Variants in ASAP2 observed in about 807,000 individuals in gnomAD.
ASAP2 encodes ArfGAP with SH3 domain, ankyrin repeat and PH domain 2, also known as arf-GAP with SH3 domain, ANK repeat and PH domain-containing protein 2.
Under a neutral mutation model 131.4 loss-of-function variants are expected in ASAP2, and 45 were observed. That is an observed-to-expected ratio of 0.34 (90% CI 0.27 to 0.44). The LOEUF (loss-of-function observed/expected upper bound fraction) is 0.44, where lower values mean the gene tolerates loss of function less well. Ranked by LOEUF, ASAP2 falls within the 20% of genes least tolerant of loss-of-function variation. ASAP2 has a pLI of 1.00. For synonymous variants in ASAP2, 510 were observed against 503.0 expected, an observed-to-expected ratio of 1.01 and a Z score of -0.19; for missense variants, 1,011 against 1,297.0, an observed-to-expected ratio of 0.78 and a Z score of 3.39.
intron 7 of ASAP2, among the ~76,000 whole-genome samples, chr2:9,330,734 TTTA>T (rs1670777941): frequency 1.3e-5 from 2 of 152,174 alleles, no homozygotes; most frequent in Non-Finnish European, 2.9e-5. Flanking sequence ...TTGCTGATAT[TTTA>T]TTTTTAAGAA....
chr2:9,250,391 G>A (rs1452020877), intron 1 of ASAP2, among the ~76,000 whole-genome samples: 2 of 152,192 alleles, frequency 1.3e-5, no homozygotes, highest in Admixed American at 6.5e-5. Context: ...TGGAGTTCTC[G>A]CGGTGCCCCA....
chr2:9,277,679 GCTGGTGACC>G (rs1188709865), intron 1 of ASAP2, among the ~76,000 whole-genome samples: 4 of 152,186 alleles, frequency 2.6e-5, no homozygotes, highest in Non-Finnish European at 5.9e-5. Context: ...CAAGTGGTAT[GCTGGTGACC>G]CTCAGTGAAC....
chr2:9,304,327 T>G (rs945297466), intron 3 of ASAP2, among the ~76,000 whole-genome samples: 5 of 152,176 alleles, frequency 3.3e-5, no homozygotes, highest in Admixed American at 2.6e-4. Flanking sequence ...TTTTCTTAAT[T>G]GCTGGCTATT....
chr2:9,300,890 C>A (rs1386126023), intron 3 of ASAP2, among the ~76,000 whole-genome samples: 1 of 152,166 alleles, frequency 6.6e-6, no homozygotes, highest in Non-Finnish European at 1.5e-5. Flanking sequence ...ATCCTATTTC[C>A]TGGCAAAGAT....
chr2:9,259,755 A>G (rs542495408), intron 1 of ASAP2, among the ~76,000 whole-genome samples: 1 of 152,170 alleles, frequency 6.6e-6, no homozygotes, highest in South Asian at 2.1e-4. Flanking sequence ...TAGCGCAGAG[A>G]TCTTCAGATG....
Position 9,313,884 on chromosome 2 carries a change from C to A in ASAP2, c.346-4640C>A, listed in dbSNP as rs892670215. On this transcript the variant is annotated intron_variant, in intron 3 of 27. Transcript: ENST00000281419. ...TAGTATCTGTGCAGTGTAAAATATG[C>A]TACTATGTGGTATTCTTAGAATTTT... Among the ~76,000 whole-genome samples, 6 of 152,286 alleles carry A rather than the reference C, an allele frequency of 3.9e-5. No homozygotes were observed. The South Asian group carries it at 1.2e-3, about 32-fold the overall frequency.
intron 2 of ASAP2, 123 bp from the exon 3 acceptor site, chr2:9,297,177 C>A: frequency 8.1e-7 from 1 of 1,240,404 alleles, no homozygotes; most frequent in Non-Finnish European, 1.1e-6. Flanking sequence ...CCTGGTGCAG[C>A]TTGACTTTTC....
chr2:9,332,689 T>C (rs78624469), intron 7 of ASAP2, among the ~76,000 whole-genome samples: 2,001 of 152,306 alleles, frequency 0.013, 33 homozygotes, highest in African/African-American at 0.045. Flanking sequence ...TCTCCCTGGG[T>C]GGTTTTGCAT....
intron 1 of ASAP2, among the ~76,000 whole-genome samples, chr2:9,267,435 G>A (rs1050767442): frequency 3.5e-4 from 53 of 152,040 alleles, no homozygotes; most frequent in African/African-American, 1.2e-3. Flanking sequence ...TTAGGATTAG[G>A]GCCTGCAGCT....
intron 3 of ASAP2, among the ~76,000 whole-genome samples, chr2:9,308,108 T>G (rs1004373620): frequency 6.6e-6 from 1 of 152,218 alleles, no homozygotes; most frequent in Non-Finnish European, 1.5e-5. Context: ...TATCTGAGAC[T>G]GGGTAACATA....
At chr2:9,277,022 TG>T (rs1172970096) in intron 1 of ASAP2, among the ~76,000 whole-genome samples, 1 of 152,150 alleles carries the variant, frequency 6.6e-6, no homozygotes, top group Non-Finnish European at 1.5e-5. Context: ...ATTATGAGTG[TG>T]GATCAGATCC....
intron 1 of ASAP2, among the ~76,000 whole-genome samples, chr2:9,275,949 G>A (rs779230276): frequency 1.8e-4 from 27 of 152,212 alleles, no homozygotes; most frequent in Non-Finnish European, 1.3e-4. Flanking sequence ...CCGTAGACAC[G>A]TGCTGGTAGC....
At chr2:9,305,810 C>T (rs796903145) in intron 3 of ASAP2, among the ~76,000 whole-genome samples, 11 of 63,614 alleles carry the variant, frequency 1.7e-4, no homozygotes, top group Non-Finnish European at 2.6e-4. Context: ...GGAGTAGTGA[C>T]GTATAGATAT....
At chr2:9,362,071 T>C (rs1673130866) in intron 15 of ASAP2, among the ~76,000 whole-genome samples, 1 of 152,022 alleles carries the variant, frequency 6.6e-6, no homozygotes, top group Admixed American at 6.6e-5. Context: ...ATCATTGTTA[T>C]CTCCTTTAAC....
chr2:9,310,961 A>G (rs890478117), intron 3 of ASAP2, among the ~76,000 whole-genome samples: 1 of 152,066 alleles, frequency 6.6e-6, no homozygotes, highest in Admixed American at 6.6e-5. Flanking sequence ...TGCCCCACTG[A>G]CTGAATCATT....
At chr2:9,210,756 G>A (rs555778748) in intron 1 of ASAP2, among the ~76,000 whole-genome samples, 76 of 152,076 alleles carry the variant, frequency 5.0e-4, no homozygotes, top group African/African-American at 1.7e-3. Flanking sequence ...GGGTTTCACC[G>A]TGTTAGCCAG....
At chr2:9,263,541 T>C (rs1439666838) in intron 1 of ASAP2, among the ~76,000 whole-genome samples, 1 of 152,104 alleles carries the variant, frequency 6.6e-6, no homozygotes, top group Non-Finnish European at 1.5e-5. Flanking sequence ...AGAATTGGAG[T>C]TTACTGTCAT....
chr2:9,295,850 G>A (rs559068109), intron 2 of ASAP2, among the ~76,000 whole-genome samples: 2 of 152,348 alleles, frequency 1.3e-5, no homozygotes, highest in South Asian at 4.1e-4. Flanking sequence ...AATGCCACTG[G>A]AGGTCAAAGA....
intron 9 of ASAP2, among the ~76,000 whole-genome samples, chr2:9,340,641 T>G (rs1671517725): frequency 6.6e-6 from 1 of 152,168 alleles, no homozygotes; most frequent in Non-Finnish European, 1.5e-5. Flanking sequence ...CAGAGAAATT[T>G]TAAGCTTCCA....
Sources: allele counts gnomAD v4.1 joint callset (sites outside exome capture counted in the v4.1 genomes callset), GRCh38; gene constraint gnomAD v4.1.1; transcripts MANE v1.5; gene names NCBI Gene and HGNC (gene_info 2026-07-23, HGNC 2026-07-21).